The following SAFB2 variants were observed in gnomAD, a reference collection of about 807,000 sequenced individuals.
The protein encoded by SAFB2 is scaffold attachment factor B2.
In SAFB2, 32 loss-of-function variants were observed where a neutral mutation model predicts 100.6. The ratio of observed to expected loss-of-function variants is 0.32; its 90% CI spans 0.24 to 0.43. SAFB2 has a LOEUF of 0.43. Among genes scored for constraint, SAFB2 ranks in the 20% least tolerant of loss-of-function variants. SAFB2 has a pLI of 1.00. For missense variants in SAFB2, 1,185 were observed against 1,163.4 expected (o/e 1.02, Z -0.27); for synonymous variants, 500 against 439.4 (o/e 1.14, Z -1.72).
intron 4 of SAFB2, among the ~76,000 whole-genome samples, chr19:5,614,841 C>G (rs1172479216): frequency 6.6e-6 from 1 of 152,214 alleles, no homozygotes; most frequent in East Asian, 1.9e-4. Flanking sequence ...ACAGTCAGTC[C>G]TTTTGGGGAG....
chr19:5,621,235 CGGGAAGA>C, intron 2 of SAFB2, 67 bp downstream of exon 2: 1 of 971,890 alleles, frequency 1.0e-6, no homozygotes, highest in South Asian at 1.3e-5. Flanking sequence ...GCCTAGAAGG[CGGGAAGA>C]GCACACTACA....
At chr19:5,620,960 ACCT>A (rs2053127679) in intron 2 of SAFB2, among the ~76,000 whole-genome samples, 1 of 152,126 alleles carries the variant, frequency 6.6e-6, no homozygotes, top group Non-Finnish European at 1.5e-5. Context: ...TTGGGTTAAG[ACCT>A]ATTTTTTGAA....
chr19:5,618,521 C>T (rs1021185702), intron 2 of SAFB2, among the ~76,000 whole-genome samples: 4 of 152,248 alleles, frequency 2.6e-5, no homozygotes, highest in Non-Finnish European at 5.9e-5. Context: ...CGCCTAACAA[C>T]GCTAGCAGGT....
intron 9 of SAFB2, 42 bp from the exon 10 acceptor site, chr19:5,604,978 C>T (rs768135118): frequency 2.5e-6 from 4 of 1,595,360 alleles, no homozygotes; most frequent in South Asian, 1.1e-5. Context: ...TACAAATGAC[C>T]ACACAACTTG....
Position 5,593,895 on chromosome 19 carries a change from C to G in SAFB2, c.2203G>C (p.Asp735His), listed in dbSNP as rs1187568142. The G allele has an allele frequency of 4.0e-6, 6 of 1,501,352 alleles. No homozygotes were observed. The Admixed American group carries it at 1.1e-4, about 27-fold the overall frequency. 93.0% of individuals were successfully genotyped at this position (1,501,352 alleles called of 1,614,324 possible). The change falls in exon 15 of 21, where the codon GAC (aspartate) becomes CAC (histidine). Residue 735 changes from aspartate to histidine, a missense_variant. This residue lies in a region of SAFB2 where 740 missense variants were observed against 687.1 expected (regional missense o/e 1.08). Coordinates refer to ENST00000252542, the MANE Select transcript of SAFB2 (RefSeq NM_014649.3). ...RRPGRRPYDL[D>H]RRDDAYWPEG... The stretch of plus-strand genomic sequence containing the variant: ...CACGCTCTGGGCGGGACTCACCGGT[C>G]CAGGTCGTAGGGCCTCCGCCCGGGC...
intron 11 of SAFB2, among the ~76,000 whole-genome samples, chr19:5,602,906 C>CCCCCTCA (rs1334047291): frequency 7.1e-6 from 1 of 140,060 alleles, no homozygotes; most frequent in Non-Finnish European, 1.5e-5. Flanking sequence ...AGAGGGCTCA[C>CCCCCTCA]CGCCCCCCCC....
At chr19:5,596,568 T>G (rs1193985200) in intron 13 of SAFB2, among the ~76,000 whole-genome samples, 1 of 152,144 alleles carries the variant, frequency 6.6e-6, no homozygotes, top group East Asian at 1.9e-4. Context: ...GGTCTCAAAC[T>G]CCTGAGCTCA....
chr19:5,598,845 G>A lies in SAFB2; in HGVS notation c.1730C>T (p.Ser577Leu), dbSNP rs765781197. The A allele has an allele frequency of 6.8e-6, 11 of 1,613,942 alleles. No homozygotes were observed. The Admixed American group carries it at 1.5e-4, about 22-fold the overall frequency. Residue 577 changes from serine (S) to leucine (L), a missense_variant, in exon 13 of 21, where the codon TCG (serine) becomes TTG (leucine). Transcript: ENST00000252542. ...CACGCTAATGACGGGCTCTCCTTTC[G>A]ATTTATCCATCACGACCGTCCGCTC... ...GMERTVVMDK[S>L]KGEPVISVKT...
rs368051798 is a variant in SAFB2, at chr19:5,613,521, C to T, written c.550G>A (p.Gly184Arg). ...TCCAAAGTGTTCTTAAATCCTTCCC[C>T]ATCCACCTGAAAAACAAAATGGAAG... The part of the protein sequence containing the change: ...PAQPPEHAVD[G>R]EGFKNTLETS... Residue 184 changes from glycine to arginine, a missense_variant, in exon 5 of 21, where the codon GGG becomes AGG. Transcript: ENST00000252542. 3.1e-6 allele frequency: 5 copies of T among 1,613,786 alleles called. No individual in the cohort carries two copies. The highest frequency in any genetic ancestry group is 1.3e-5 in the African/African-American group (1 of 74,922).
intron 16 of SAFB2, 73 bp downstream of exon 16, chr19:5,592,674 C>T: frequency 6.4e-7 from 1 of 1,570,816 alleles, no homozygotes; most frequent in Non-Finnish European, 8.7e-7. Context: ...CTGCACTGGG[C>T]TGAGAACGAG....
In SAFB2 at chr19:5,587,036, C is replaced by G; in HGVS notation, c.*207G>C. 2.9e-6 allele frequency: 2 copies of G among 682,564 alleles called. No homozygotes were observed. The highest frequency in any genetic ancestry group is 4.4e-5 in the South Asian group (2 of 45,144). The allele number at this position is 682,564 out of a possible 1,614,324, so 42.3% of individuals were successfully genotyped here. ...ACTTTATTAATGGAAAATGGAATGC[C>G]TCGTTAACAGAAACCTTGATTTAAA... On this transcript the variant is annotated 3_prime_UTR_variant, in exon 21 of 21. Coordinates refer to ENST00000252542, the MANE Select transcript of SAFB2 (RefSeq NM_014649.3). The surrounding 1 kb of genome is among the most constrained non-coding windows in gnomAD (Gnocchi z 4.9).
rs753389500 is a variant in SAFB2, at chr19:5,622,760, G to C, written c.-45C>G. On this transcript the variant is annotated 5_prime_UTR_variant, in exon 1 of 21. Coordinates refer to ENST00000252542, the MANE Select transcript of SAFB2 (RefSeq NM_014649.3). Reference sequence around the variant, plus strand: ...CCACCGACTCAGTCGCACACCGCCGGCAGCTATAGCGGCTCTGAACACAAA... The same window carrying C: ...CCACCGACTCAGTCGCACACCGCCGCCAGCTATAGCGGCTCTGAACACAAA... The C allele has an allele frequency of 2.6e-6, 4 of 1,556,134 alleles. No homozygotes were observed. In the African/African-American group the frequency reaches 5.4e-5, roughly 21 times the overall value.
intron 11 of SAFB2, among the ~76,000 whole-genome samples, chr19:5,602,661 T>A (rs2052688089): frequency 6.6e-6 from 1 of 152,004 alleles, no homozygotes; most frequent in South Asian, 2.1e-4. Context: ...CTCACAGGGC[T>A]ACTACAAGGA....
At position 5,587,349 on chromosome 19, in the gene SAFB2, C is replaced by G; in HGVS notation, c.2756G>C (p.Gly919Ala). ...CACTCCGCCACCTTCCAGTCCGCCACCTGGCACCACGTGGCCCTGGGAATG... is the reference window on the plus strand; with the variant it reads ...CACTCCGCCACCTTCCAGTCCGCCAGCTGGCACCACGTGGCCCTGGGAATG... ...GGHSQGHVVP[G>A]GGLEGGGVAS... is the part of the protein sequence containing the mutation. The change falls in exon 21 of 21, where the codon GGT becomes GCT. Residue 919 changes from glycine to alanine, a missense_variant. Gly to Ala is a moderately conservative substitution (Grantham distance 60). Coordinates refer to ENST00000252542, the MANE Select transcript of SAFB2 (RefSeq NM_014649.3). This position sits in a 1 kb window ranked among gnomAD's most constrained non-coding sequence, Gnocchi z 4.9. 1 of 1,613,288 alleles carries G rather than the reference C, an allele frequency of 6.2e-7. No individual in the cohort carries two copies.
At chr19:5,621,192 G>T in intron 2 of SAFB2, 117 bp downstream of exon 2, 1 of 729,466 alleles carries the variant, frequency 1.4e-6, no homozygotes. Flanking sequence ...AACTCTTAGT[G>T]GAGGGACACC....
At chr19:5,616,900 T>C (rs1465480233) in intron 2 of SAFB2, among the ~76,000 whole-genome samples, 2 of 152,148 alleles carry the variant, frequency 1.3e-5, no homozygotes, top group Non-Finnish European at 2.9e-5. Flanking sequence ...TCCACCAGCC[T>C]CGGTCTCCCA....
Position 5,610,945 on chromosome 19 carries a change from A to T in SAFB2, c.1145+175T>A, listed in dbSNP as rs1160629889. 16 of 617,900 alleles carry T rather than the reference A, an allele frequency of 2.6e-5. No homozygotes were observed. In the Middle Eastern group the frequency reaches 1.7e-3, roughly 67 times the overall value. The allele number at this position is 617,900 out of a possible 1,614,324, so 38.3% of individuals were successfully genotyped here. On this transcript the variant is annotated intron_variant, in intron 7 of 20. Transcript: ENST00000252542. ...AACCATGGTAGGTTGAGAAAAAGAA[A>T]AGGAATTGAATCACCCATTAAAAAC...
intron 14 of SAFB2, among the ~76,000 whole-genome samples, chr19:5,594,837 C>T (rs1334888556): frequency 6.6e-6 from 1 of 152,160 alleles, no homozygotes; most frequent in African/African-American, 2.4e-5. Context: ...ACCCCATATA[C>T]TGTAAAGGGC....
Position 5,587,895 on chromosome 19 carries a change from C to T in SAFB2, c.2611G>A (p.Ala871Thr), listed in dbSNP as rs756613545. ...TGCCACCTGGCGTGCTCCCGGCTAG[C>T]CGCGCCTGCGTCCATGGCACCCTGC... ...AWQGAMDAGAASREHARWQGG... is the reference protein window; with the variant it reads ...AWQGAMDAGATSREHARWQGG... Residue 871 changes from alanine to threonine, a missense_variant, in exon 19 of 21, where the codon GCT becomes ACT. Physicochemically the swap from Ala to Thr is moderately conservative, Grantham distance 58. This residue lies in a region of SAFB2 where 740 missense variants were observed against 687.1 expected (regional missense o/e 1.08). Coordinates refer to ENST00000252542, the MANE Select transcript of SAFB2 (RefSeq NM_014649.3). This position sits in a 1 kb window ranked among gnomAD's most constrained non-coding sequence, Gnocchi z 4.9. The T allele has an allele frequency of 2.2e-5, 36 of 1,611,994 alleles. No individual in the cohort carries two copies. The highest frequency in any genetic ancestry group is 1.3e-4 in the Admixed American group (8 of 59,892).
Sources: allele counts gnomAD v4.1 joint callset (sites outside exome capture counted in the v4.1 genomes callset), GRCh38; gene constraint gnomAD v4.1.1; regional missense constraint gnomAD v4.1.1; non-coding constraint Gnocchi (gnomAD v3.1); transcripts MANE v1.5; gene names NCBI Gene and HGNC (gene_info 2026-07-23, HGNC 2026-07-21).